Variants in UTS2B observed in about 807,000 individuals in gnomAD.
UTS2B encodes the protein urotensin-2B.
Under a neutral mutation model 19.2 loss-of-function variants are expected in UTS2B, and 21 were observed. That is an observed-to-expected ratio of 1.09 (90% confidence interval 0.78 to 1.58). UTS2B has a LOEUF of 1.58. UTS2B is among the 40% of genes most tolerant of loss of function. UTS2B has a pLI of 0.00. For synonymous variants in UTS2B, 57 were observed against 50.2 expected (o/e 1.14, Z -0.58); for missense variants, 138 against 130.3 (o/e 1.06, Z -0.29).
At chr3:191,269,948 A>G (rs993168074) in intron 8 of UTS2B, among the ~76,000 whole-genome samples, 4 of 152,136 alleles carry the variant, frequency 2.6e-5, no homozygotes, top group Non-Finnish European at 5.9e-5. Flanking sequence ...TAAAACCCCA[A>G]CCAGCTTTCT....
At chr3:191,319,824 C>T (rs1435956076) in intron 2 of UTS2B, among the ~76,000 whole-genome samples, 4 of 149,186 alleles carry the variant, frequency 2.7e-5, no homozygotes, top group East Asian at 1.9e-4. Flanking sequence ...GCCAAGATCG[C>T]GCCACTGCAC....
intron 2 of UTS2B, among the ~76,000 whole-genome samples, chr3:191,322,730 A>T (rs998413226): frequency 6.6e-6 from 1 of 152,218 alleles, no homozygotes; most frequent in East Asian, 1.9e-4. Context: ...TTTGGGAGTA[A>T]TATCTTTGAG....
intron 1 of UTS2B, chr3:191,329,625 C>T (rs765456121): frequency 5.7e-6 from 9 of 1,578,984 alleles, no homozygotes; most frequent in Non-Finnish European, 7.7e-6. Context: ...TCGGCGCCGG[C>T]GGTGACCGGG....
intron 3 of UTS2B, among the ~76,000 whole-genome samples, chr3:191,307,046 A>C (rs932513772): frequency 2.0e-5 from 3 of 152,220 alleles, no homozygotes; most frequent in Non-Finnish European, 4.4e-5. Flanking sequence ...TACAGGAATG[A>C]GAGTACAGCC....
chr3:191,294,620 G>A (rs570506264), intron 4 of UTS2B: 1 of 151,672 alleles, frequency 6.6e-6, no homozygotes, highest in African/African-American at 2.4e-5. Context: ...AAGGATCAGG[G>A]TCTCTTATAT....
chr3:191,280,040 CGAGA>C (rs1397260044), intron 5 of UTS2B, among the ~76,000 whole-genome samples: 2 of 152,082 alleles, frequency 1.3e-5, no homozygotes, highest in Admixed American at 6.5e-5. Flanking sequence ...TGCTCCAATA[CGAGA>C]GAGTGTTTTT....
intron 1 of UTS2B, chr3:191,329,657 C>T (rs777422774): frequency 1.2e-6 from 2 of 1,606,024 alleles, no homozygotes; most frequent in Non-Finnish European, 1.7e-6. Flanking sequence ...AAAGGGGCAA[C>T]CGGGACCCTG....
In UTS2B at chr3:191,280,041, G is replaced by A. The variant is rs984528483; in HGVS notation, c.104-1871C>T. 7.2e-5 allele frequency among the ~76,000 whole-genome samples: 11 copies of A among 152,118 alleles called. No individual in the cohort carries two copies. The East Asian group carries it at 1.2e-3, about 16-fold the overall frequency. On this transcript the variant is annotated intron_variant, in intron 5 of 8. Transcript: ENST00000340524. ...AAAGATGGCAAAGCTGCTCCAATAC[G>A]AGAGAGTGTTTTTGCAAATATTACA...
chr3:191,342,652 C>G, the UTS2B span, among the ~76,000 whole-genome samples: 1 of 152,056 alleles, frequency 6.6e-6, no homozygotes, highest in Non-Finnish European at 1.5e-5. Flanking sequence ...TCTTTCTAGG[C>G]TAAGGCAAAC....
At chr3:191,299,211 C>G (rs756454005) in intron 4 of UTS2B, among the ~76,000 whole-genome samples, 2 of 152,192 alleles carry the variant, frequency 1.3e-5, no homozygotes, top group Non-Finnish European at 2.9e-5. Context: ...AAGGCAGTTA[C>G]AGGAATTTGC....
At chr3:191,314,718 G>A (rs1717400309) in intron 3 of UTS2B, among the ~76,000 whole-genome samples, 1 of 152,166 alleles carries the variant, frequency 6.6e-6, no homozygotes, top group Non-Finnish European at 1.5e-5. Context: ...CCAGAGATGG[G>A]GAAGGGACTG....
At chr3:191,333,827 C>T (rs1467398957), upstream of UTS2B, among the ~76,000 whole-genome samples, 1 of 152,020 alleles carries the variant, frequency 6.6e-6, no homozygotes, top group Non-Finnish European at 1.5e-5. Flanking sequence ...CTGTGTGTAT[C>T]ACTTATTTAT....
chr3:191,299,627 C>T (rs1716941678), intron 4 of UTS2B, among the ~76,000 whole-genome samples: 1 of 152,244 alleles, frequency 6.6e-6, no homozygotes, highest in Admixed American at 6.5e-5. Flanking sequence ...AGTAGCTGAG[C>T]CCTCATGGAG....
At chr3:191,304,409 T>C (rs1255844871) in intron 4 of UTS2B, 83 bp downstream of exon 4, 1 of 152,236 alleles carries the variant, frequency 6.6e-6, no homozygotes, top group Non-Finnish European at 1.5e-5. Context: ...AGAGGTTATG[T>C]TCCAGTTGCC....
chr3:191,320,853 T>C (rs1020324595), intron 2 of UTS2B, among the ~76,000 whole-genome samples: 1 of 152,220 alleles, frequency 6.6e-6, no homozygotes, highest in Non-Finnish European at 1.5e-5. Context: ...GAATAAGTGC[T>C]AATTAAATAT....
At chr3:191,274,324 T>C (rs1352957624) in intron 8 of UTS2B, among the ~76,000 whole-genome samples, 1 of 152,208 alleles carries the variant, frequency 6.6e-6, no homozygotes, top group Non-Finnish European at 1.5e-5. Flanking sequence ...ATCAAAATAA[T>C]TTTTTAAGTT....
chr3:191,277,128 T>A (rs74450833), intron 6 of UTS2B, among the ~76,000 whole-genome samples: 6,467 of 152,168 alleles, frequency 0.042, 460 homozygotes, highest in African/African-American at 0.15. Flanking sequence ...AGAAATAAAC[T>A]ATTTTTGCTG....
At chr3:191,275,561 T>C (rs1185066126) in intron 7 of UTS2B, among the ~76,000 whole-genome samples, 4 of 152,070 alleles carry the variant, frequency 2.6e-5, no homozygotes, top group African/African-American at 9.6e-5. Flanking sequence ...GCACCTGTAG[T>C]CCCAGCTACT....
At chr3:191,283,679 C>A (rs1396322413) in intron 4 of UTS2B, among the ~76,000 whole-genome samples, 2 of 152,132 alleles carry the variant, frequency 1.3e-5, no homozygotes, top group Admixed American at 6.5e-5. Context: ...ACCAAAATTT[C>A]TAGTAATTGA....
Sources: gnomAD v4.1 joint callset for allele counts (sites outside exome capture counted in the v4.1 genomes callset) on GRCh38, gnomAD v4.1.1 for gene constraint, MANE v1.5 for transcripts, NCBI Gene and HGNC (gene_info 2026-07-23, HGNC 2026-07-21) for gene names.